The following C3orf20 variants were observed in gnomAD, a reference collection of about 807,000 sequenced individuals.
C3orf20 encodes uncharacterized protein C3orf20.
Under a neutral mutation model 88.3 loss-of-function variants are expected in C3orf20, and 76 were observed. That is an observed-to-expected ratio of 0.86 (90% confidence interval 0.72 to 1.04). C3orf20 has a LOEUF of 1.04. Among genes scored for constraint, C3orf20 ranks in the 50% least tolerant of loss-of-function variants. C3orf20 has a pLI of 0.00. For synonymous variants in C3orf20, 436 were observed against 437.4 expected, an observed-to-expected ratio of 1.00 and a Z score of 0.04; for missense variants, 1,056 against 1,123.3, an observed-to-expected ratio of 0.94 and a Z score of 0.86.
chr3:14,726,543 G>A (rs73024122), intron 10 of C3orf20, among the ~76,000 whole-genome samples: 57,696 of 152,138 alleles, frequency 0.38, 11,176 homozygotes, highest in Middle Eastern at 0.45. Flanking sequence ...CCAAGACTCG[G>A]TCCCTTCCCT....
chr3:14,760,088 G>A (rs1310822841), intron 14 of C3orf20, 90 bp downstream of exon 14: 4 of 989,496 alleles, frequency 4.0e-6, no homozygotes, highest in Non-Finnish European at 4.8e-6. Flanking sequence ...GGAGGAGGAG[G>A]AGAGAGGAGA....
At chr3:14,716,584 C>T (rs760252762) in intron 9 of C3orf20, among the ~76,000 whole-genome samples, 13 of 152,186 alleles carry the variant, frequency 8.5e-5, no homozygotes, top group Non-Finnish European at 1.9e-4. Context: ...TCTCACCTTT[C>T]CTACTCCCTT....
intron 1 of C3orf20, among the ~76,000 whole-genome samples, chr3:14,681,566 C>A (rs1194532805): frequency 6.6e-6 from 1 of 152,196 alleles, no homozygotes; most frequent in Non-Finnish European, 1.5e-5. Flanking sequence ...GCATCTAAGT[C>A]TCCCTGGGGT....
At chr3:14,767,854 G>A (rs909404428) in intron 15 of C3orf20, among the ~76,000 whole-genome samples, 3 of 152,204 alleles carry the variant, frequency 2.0e-5, no homozygotes, top group Admixed American at 1.3e-4. Context: ...CCCGTAAAGT[G>A]CTCTCTAAAC....
At chr3:14,679,431 G>A (rs2031961001) in intron 1 of C3orf20, among the ~76,000 whole-genome samples, 1 of 152,224 alleles carries the variant, frequency 6.6e-6, no homozygotes, top group African/African-American at 2.4e-5. Context: ...AAAGGCATTA[G>A]AGGTTCATTT....
intron 5 of C3orf20, among the ~76,000 whole-genome samples, chr3:14,699,932 G>A (rs1254040825): frequency 1.3e-5 from 2 of 152,152 alleles, no homozygotes; most frequent in Non-Finnish European, 2.9e-5. Context: ...GCAGCCACTT[G>A]GGATGGGTAA....
At chr3:14,753,437 T>C (rs981002211) in intron 12 of C3orf20, among the ~76,000 whole-genome samples, 1 of 152,194 alleles carries the variant, frequency 6.6e-6, no homozygotes, top group Non-Finnish European at 1.5e-5. Flanking sequence ...TGTATACCTA[T>C]GTAACAAACT....
intron 4 of C3orf20, among the ~76,000 whole-genome samples, chr3:14,689,645 C>T (rs1280834632): frequency 6.6e-6 from 1 of 152,140 alleles, no homozygotes; most frequent in Non-Finnish European, 1.5e-5. Flanking sequence ...TTCTTAATTT[C>T]CTTCTTGCTG....
chr3:14,764,919 T>A (rs1214999804), intron 15 of C3orf20: 1 of 152,486 alleles, frequency 6.6e-6, no homozygotes, highest in Middle Eastern at 3.1e-3. Flanking sequence ...CACCTCTTGA[T>A]GGGGAAAGAG....
At chr3:14,721,339 A>G (rs1463825620) in intron 9 of C3orf20, among the ~76,000 whole-genome samples, 1 of 152,184 alleles carries the variant, frequency 6.6e-6, no homozygotes, top group Non-Finnish European at 1.5e-5. Flanking sequence ...TGCATTCCCA[A>G]TTCATCTTTA....
At chr3:14,683,835 C>T (rs1299511123) in intron 3 of C3orf20, among the ~76,000 whole-genome samples, 2 of 144,178 alleles carry the variant, frequency 1.4e-5, no homozygotes, top group Non-Finnish European at 3.0e-5. Flanking sequence ...AAGATCATGC[C>T]ACTGCACTCC....
chr3:14,726,957 G>A lies in C3orf20; in HGVS notation c.1623G>A (p.Leu541=). The part of the protein sequence containing the change: ...DDKVYKMSRA[L]AEIKKRFQKT... Reference sequence around the variant, plus strand: ...AGGTGTATAAGATGAGCCGAGCCCTGGCTGAGATCAAGAAGCGGTTTCAGA... The same window carrying A: ...AGGTGTATAAGATGAGCCGAGCCCTAGCTGAGATCAAGAAGCGGTTTCAGA... Residue 541 remains leucine (L), a synonymous_variant, in exon 11 of 17, where the codon CTG becomes CTA. Transcript: ENST00000253697. 6.2e-7 allele frequency: 1 copy of A among 1,614,168 alleles called. No individual in the cohort carries two copies. Among genetic ancestry groups the A allele is most frequent in the Middle Eastern group, 1.7e-4 (1 of 6,060 alleles).
intron 5 of C3orf20, among the ~76,000 whole-genome samples, chr3:14,698,015 A>T (rs143217133): frequency 0.013 from 1,982 of 152,264 alleles, 37 homozygotes; most frequent in African/African-American, 0.043. Context: ...GCTGCAATGA[A>T]CATACGTGTG....
chr3:14,719,269 T>G (rs1191234619), intron 9 of C3orf20, among the ~76,000 whole-genome samples: 2 of 152,202 alleles, frequency 1.3e-5, no homozygotes, highest in Non-Finnish European at 2.9e-5. Flanking sequence ...CTAGCATTTT[T>G]GGTTGACTGG....
Position 14,761,523 on chromosome 3 carries a change from T to G in C3orf20, c.2403T>G (p.Tyr801Ter). ...TTGGGGGCCGTGTTTTGAATGGATA[T>G]GGCCTCAGCAAGCAGAATCTGCTGA... ...LIFGGRVLNG[Y>*]GLSKQNLLKQ... The change falls in exon 15 of 17, where the codon TAT becomes TAG. Residue 801 changes from tyrosine (Y) to a stop codon, truncating the protein, a stop_gained. Transcript: ENST00000253697. LOFTEE classifies it high-confidence loss of function. 1.9e-6 allele frequency: 3 copies of G among 1,613,996 alleles called. No individual in the cohort carries two copies. The highest frequency in any genetic ancestry group is 2.5e-6 in the Non-Finnish European group (3 of 1,179,966).
chr3:14,683,005 C>G lies in C3orf20; in HGVS notation c.292C>G (p.Pro98Ala). ...CACACTGAAGAAGCCACTACCTCCA[C>G]CACCACCAGCACCACCACGTCCAGT... ...VPTLKKPLPP[P>A]PPAPPRPVLL... Residue 98 changes from proline to alanine, a missense_variant, in exon 3 of 17, where the codon CCA becomes GCA. Coordinates refer to ENST00000253697, the MANE Select transcript of C3orf20 (RefSeq NM_032137.5). The G allele has an allele frequency of 6.2e-7, 1 of 1,613,464 alleles. No individual in the cohort carries two copies. The highest frequency in any genetic ancestry group is 8.5e-7 in the Non-Finnish European group (1 of 1,179,684).
At chr3:14,691,256 T>C (rs973779477) in intron 5 of C3orf20, among the ~76,000 whole-genome samples, 4 of 152,206 alleles carry the variant, frequency 2.6e-5, no homozygotes, top group African/African-American at 9.7e-5. Context: ...GTGCTTCATC[T>C]CATTGTGGTA....
At chr3:14,764,507 ATTG>A (rs962763180) in intron 15 of C3orf20, among the ~76,000 whole-genome samples, 2,570 of 132,748 alleles carry the variant, frequency 0.019, 62 homozygotes, top group African/African-American at 0.066. Flanking sequence ...TATTATTATT[ATTG>A]TTGTTGTTGT....
At position 14,701,183 on chromosome 3, in the gene C3orf20, G is replaced by A. The variant is rs1308746502; in HGVS notation, c.746-1947G>A. Among the ~76,000 whole-genome samples the A allele has an allele frequency of 6.6e-6, 1 of 152,132 alleles. No homozygotes were observed. The highest frequency in any genetic ancestry group is 6.5e-5 in the Admixed American group (1 of 15,278). ...AGGGTTCAGTCTCTGGTCCCTGTTG[G>A]CAGGAGAAGTGGGGGAAGTGACCAG... On this transcript the variant is annotated intron_variant, in intron 5 of 16. Transcript: ENST00000253697. The surrounding 1 kb of genome is among the most constrained non-coding windows in gnomAD (Gnocchi z 4.6).
Sources: allele counts gnomAD v4.1 joint callset (sites outside exome capture counted in the v4.1 genomes callset), GRCh38; gene constraint gnomAD v4.1.1; non-coding constraint Gnocchi (gnomAD v3.1); transcripts MANE v1.5; gene names NCBI Gene and HGNC (gene_info 2026-07-23, HGNC 2026-07-21).